The following CNTNAP4 variants were observed in gnomAD, a reference collection of about 807,000 sequenced individuals.
CNTNAP4 encodes contactin associated protein family member 4.
CNTNAP4 carries 98 observed loss-of-function variants against 148.4 expected under a neutral mutation model. The ratio of observed to expected loss-of-function variants is 0.66; its 90% CI spans 0.56 to 0.78. CNTNAP4 has a LOEUF of 0.78. Among genes scored for constraint, CNTNAP4 ranks in the 30% least tolerant of loss-of-function variants. The probability of loss-of-function intolerance (pLI) is 0.00; values close to 1 mark genes in which losing one functional copy is unlikely to be tolerated. For missense variants in CNTNAP4, 1,935 were observed against 1,565.6 expected (o/e 1.24, Z -3.98); for synonymous variants, 730 against 565.1 (o/e 1.29, Z -4.14).
intron 3 of CNTNAP4, among the ~76,000 whole-genome samples, chr16:76,421,357 C>T (rs1033226461): frequency 6.6e-6 from 1 of 151,964 alleles, no homozygotes; most frequent in Non-Finnish European, 1.5e-5. Context: ...CAAAACTTAA[C>T]ATTCTAATTT....
chr16:76,514,168 C>A (rs1313703603), intron 15 of CNTNAP4, among the ~76,000 whole-genome samples: 1 of 152,130 alleles, frequency 6.6e-6, no homozygotes, highest in Non-Finnish European at 1.5e-5. Context: ...TCGTCTGATG[C>A]CCAACTCCAC....
intron 3 of CNTNAP4, among the ~76,000 whole-genome samples, 192 bp downstream of exon 3, chr16:76,355,703 G>A (rs976092679): frequency 1.3e-5 from 2 of 151,098 alleles, no homozygotes; most frequent in African/African-American, 4.9e-5. Flanking sequence ...GAATACTAAG[G>A]GTAAATTTAT....
chr16:76,530,858 A>C (rs2083950214), intron 17 of CNTNAP4, among the ~76,000 whole-genome samples: 1 of 152,214 alleles, frequency 6.6e-6, no homozygotes, highest in Non-Finnish European at 1.5e-5. Context: ...CTATTTCTGC[A>C]AGGCAGAGTT....
At chr16:76,311,870 G>T (rs1961158215) in intron 1 of CNTNAP4, among the ~76,000 whole-genome samples, 1 of 152,188 alleles carries the variant, frequency 6.6e-6, no homozygotes, top group Non-Finnish European at 1.5e-5. Flanking sequence ...AAGGGACCAG[G>T]ATGATGTGCC....
chr16:76,516,218 G>A (rs1447090557), intron 15 of CNTNAP4, among the ~76,000 whole-genome samples: 1 of 151,506 alleles, frequency 6.6e-6, no homozygotes, highest in African/African-American at 2.4e-5. Context: ...CTGTGTTAGT[G>A]TGCTGAGACT....
At chr16:76,411,864 A>T (rs1184914253) in intron 3 of CNTNAP4, among the ~76,000 whole-genome samples, 1 of 151,430 alleles carries the variant, frequency 6.6e-6, no homozygotes, top group African/African-American at 2.4e-5. Flanking sequence ...ATGTATATAC[A>T]ACTCATTGGA....
At chr16:76,389,450 G>GT (rs2016775338) in intron 3 of CNTNAP4, among the ~76,000 whole-genome samples, 1 of 151,794 alleles carries the variant, frequency 6.6e-6, no homozygotes, top group African/African-American at 2.4e-5. Flanking sequence ...TTGTTTTTGC[G>GT]TTTTTTGTTT....
intron 1 of CNTNAP4, among the ~76,000 whole-genome samples, chr16:76,312,633 C>G (rs1033716664): frequency 1.3e-5 from 2 of 152,084 alleles, no homozygotes; most frequent in African/African-American, 4.8e-5. Context: ...AGAATTTGTT[C>G]ATGCTATTAT....
chr16:76,466,320 A>G (rs1319361331), intron 9 of CNTNAP4, among the ~76,000 whole-genome samples: 1 of 152,220 alleles, frequency 6.6e-6, no homozygotes, highest in Non-Finnish European at 1.5e-5. Flanking sequence ...TACAGTTAGA[A>G]TGAATAAGAC....
chr16:76,417,903 T>C (rs1234745643), intron 3 of CNTNAP4, among the ~76,000 whole-genome samples: 1 of 151,760 alleles, frequency 6.6e-6, no homozygotes, highest in Non-Finnish European at 1.5e-5. Context: ...CTTTCAATGC[T>C]TTACATATTT....
chr16:76,304,965 A>G (rs993391476), intron 1 of CNTNAP4, among the ~76,000 whole-genome samples: 3 of 152,170 alleles, frequency 2.0e-5, no homozygotes, highest in African/African-American at 7.2e-5. Context: ...GCAGAGTAGT[A>G]TTTGGTGATA....
intron 3 of CNTNAP4, among the ~76,000 whole-genome samples, chr16:76,402,609 T>G (rs2078457931): frequency 6.6e-6 from 1 of 152,192 alleles, no homozygotes; most frequent in African/African-American, 2.4e-5. Flanking sequence ...TTGGGGTTGA[T>G]TTACTCTTGC....
intron 1 of CNTNAP4, among the ~76,000 whole-genome samples, chr16:76,295,963 C>G (rs2143876808): frequency 6.6e-6 from 1 of 152,232 alleles, no homozygotes; most frequent in East Asian, 1.9e-4. Flanking sequence ...GCGGAGATTA[C>G]AGACATGTGC....
At chr16:76,288,351 A>G (rs1481496545) in intron 1 of CNTNAP4, among the ~76,000 whole-genome samples, 1 of 152,158 alleles carries the variant, frequency 6.6e-6, no homozygotes, top group Non-Finnish European at 1.5e-5. Context: ...TCATAGCAGC[A>G]TGAGAGCAAA....
intron 21 of CNTNAP4, among the ~76,000 whole-genome samples, chr16:76,544,546 T>C (rs142248683): frequency 9.8e-5 from 15 of 152,304 alleles, no homozygotes; most frequent in African/African-American, 3.1e-4. Context: ...TAATAATATA[T>C]TGAAAGTTTA....
In CNTNAP4 at chr16:76,448,787, A is replaced by G; in HGVS notation, c.763A>G (p.Thr255Ala). The G allele has an allele frequency of 6.2e-7, 1 of 1,608,084 alleles. No homozygotes were observed. Among genetic ancestry groups the G allele is most frequent in the Non-Finnish European group, 8.5e-7 (1 of 1,177,470 alleles). The part of the protein sequence containing the change: ...INSGEAKLPS[T>A]STLVNLTLGS... ...CTAAGGTGAAGCTAAACTGCCTTCCACTTCCACCCTGGTCAATCTCACCCT... is the reference window on the plus strand; with the variant it reads ...CTAAGGTGAAGCTAAACTGCCTTCCGCTTCCACCCTGGTCAATCTCACCCT... The change falls in exon 6 of 24, where the codon ACT becomes GCT. Residue 255 changes from threonine to alanine, a missense_variant. Physicochemically the swap from Thr to Ala is moderately conservative, Grantham distance 58. Coordinates refer to ENST00000611870, the MANE Select transcript of CNTNAP4 (RefSeq NM_033401.5).
intron 1 of CNTNAP4, among the ~76,000 whole-genome samples, chr16:76,285,019 T>C (rs2143772356): frequency 1.3e-5 from 2 of 152,180 alleles, no homozygotes; most frequent in East Asian, 1.9e-4. Flanking sequence ...TACAGTTACA[T>C]AGTTCTGTAG....
At chr16:76,296,448 T>C (rs9319493) in intron 1 of CNTNAP4, among the ~76,000 whole-genome samples, 48,829 of 152,066 alleles carry the variant, frequency 0.32, 8,487 homozygotes, top group Non-Finnish European at 0.39. Flanking sequence ...TATTTATCAT[T>C]GGATGTGTAA....
Position 76,462,001 on chromosome 16 carries a change from C to G in CNTNAP4, c.1379C>G (p.Ala460Gly). The G allele has an allele frequency of 6.2e-7, 1 of 1,613,452 alleles. No homozygotes were observed. The highest frequency in any genetic ancestry group is 8.5e-7 in the Non-Finnish European group (1 of 1,179,458). ...DGQWHSVSLS[A>G]KKNHLSVAVD... is the part of the protein sequence containing the mutation. ...CAGTGGCATTCTGTCTCTTTATCTG[C>G]TAAAAAGAATCACTTGAGTGTGGCG... Residue 460 changes from alanine to glycine, a missense_variant, in exon 9 of 24, where the codon GCT (alanine) becomes GGT (glycine). Ala to Gly is a moderately conservative substitution (Grantham distance 60). Coordinates refer to ENST00000611870, the MANE Select transcript of CNTNAP4 (RefSeq NM_033401.5).
Sources: gnomAD v4.1 joint callset for allele counts (sites outside exome capture counted in the v4.1 genomes callset) on GRCh38, gnomAD v4.1.1 for gene constraint, MANE v1.5 for transcripts, NCBI Gene and HGNC (gene_info 2026-07-23, HGNC 2026-07-21) for gene names.